Variants in CSNK2A2IP observed in about 807,000 individuals in gnomAD.
CSNK2A2IP encodes the protein casein kinase II subunit alpha'-interacting protein.
the CSNK2A2IP span, among the ~76,000 whole-genome samples, chr3:88,367,157 AAACTT>A: frequency 6.6e-6 from 1 of 152,102 alleles, no homozygotes; most frequent in Non-Finnish European, 1.5e-5. Flanking sequence ...TTATTTTCAG[AAACTT>A]AACTTGTGCT....
chr3:88,382,276 T>C, the CSNK2A2IP span, among the ~76,000 whole-genome samples: 2 of 152,178 alleles, frequency 1.3e-5, no homozygotes, highest in African/African-American at 2.4e-5. Flanking sequence ...AGTCAGGACA[T>C]CAGTATTGAG....
At chr3:88,350,559 G>A in the CSNK2A2IP span, among the ~76,000 whole-genome samples, 25 of 148,818 alleles carry the variant, frequency 1.7e-4, no homozygotes, top group East Asian at 2.9e-3. Context: ...CTGTGCAATT[G>A]TTGGTCTTAA....
chr3:88,383,174 G>T, the CSNK2A2IP span, among the ~76,000 whole-genome samples: 1 of 151,828 alleles, frequency 6.6e-6, no homozygotes, highest in African/African-American at 2.4e-5. Flanking sequence ...GGCTCCCAAA[G>T]GCCTTTTCTG....
At chr3:88,466,178 T>C in the CSNK2A2IP span, 1 of 1,231,638 alleles carries the variant, frequency 8.1e-7, no homozygotes, top group Non-Finnish European at 1.0e-6. Context: ...TCTCCATTAC[T>C]TGACTCTAGG....
At chr3:88,411,766 TG>T in the CSNK2A2IP span, among the ~76,000 whole-genome samples, 1 of 151,640 alleles carries the variant, frequency 6.6e-6, no homozygotes, top group Non-Finnish European at 1.5e-5. Context: ...TGAGATGTTT[TG>T]TGAGAAATAC....
chr3:88,457,741 A>AAAATC, the CSNK2A2IP span, among the ~76,000 whole-genome samples: 19 of 149,706 alleles, frequency 1.3e-4, no homozygotes, highest in East Asian at 5.9e-4. Context: ...AAAATAAAAT[A>AAAATC]AAATAAAATA....
chr3:88,386,773 G>A, the CSNK2A2IP span, among the ~76,000 whole-genome samples: 1 of 152,180 alleles, frequency 6.6e-6, no homozygotes, highest in African/African-American at 2.4e-5. Flanking sequence ...ATAGTTATTG[G>A]TAATGACAAA....
the CSNK2A2IP span, among the ~76,000 whole-genome samples, chr3:88,412,188 A>G: frequency 6.6e-6 from 1 of 151,968 alleles, no homozygotes; most frequent in Non-Finnish European, 1.5e-5. Context: ...AATATAATAT[A>G]TTTATAGCTT....
chr3:88,416,854 A>G, the CSNK2A2IP span, among the ~76,000 whole-genome samples: 1 of 152,166 alleles, frequency 6.6e-6, no homozygotes, highest in South Asian at 2.1e-4. Context: ...TTCAAATTAG[A>G]TAGTATTTCT....
At chr3:88,370,600 C>CTT in the CSNK2A2IP span, among the ~76,000 whole-genome samples, 1,917 of 114,896 alleles carry the variant, frequency 0.017, 42 homozygotes, top group African/African-American at 0.043. Context: ...TTCTTTCTTT[C>CTT]TCTCTCTCTC....
chr3:88,413,566 G>A, the CSNK2A2IP span, among the ~76,000 whole-genome samples: 1 of 151,826 alleles, frequency 6.6e-6, no homozygotes, highest in South Asian at 2.1e-4. Flanking sequence ...ACTTTTAGAA[G>A]TACATTCACG....
the CSNK2A2IP span, among the ~76,000 whole-genome samples, chr3:88,414,760 T>A: frequency 6.6e-6 from 1 of 151,832 alleles, no homozygotes; most frequent in Non-Finnish European, 1.5e-5. Flanking sequence ...AGATGATGAA[T>A]GCATAGTAGA....
the CSNK2A2IP span, among the ~76,000 whole-genome samples, chr3:88,395,278 C>CT: frequency 3.9e-5 from 6 of 152,032 alleles, no homozygotes; most frequent in Non-Finnish European, 7.4e-5. Context: ...AAAATTTCTC[C>CT]TTTTTTTCTA....
the CSNK2A2IP span, among the ~76,000 whole-genome samples, chr3:88,449,266 C>A: frequency 6.6e-6 from 1 of 152,096 alleles, no homozygotes; most frequent in African/African-American, 2.4e-5. Flanking sequence ...GTAACAAGAT[C>A]ATTTTCTTGA....
chr3:88,435,128 C>A, the CSNK2A2IP span, among the ~76,000 whole-genome samples: 24 of 152,240 alleles, frequency 1.6e-4, no homozygotes, highest in Non-Finnish European at 2.6e-4. Flanking sequence ...CTGCAAATAC[C>A]ATTCCATCCC....
the CSNK2A2IP span, among the ~76,000 whole-genome samples, chr3:88,457,706 A>AAAATAAAATAAAATAAAAT: frequency 2.7e-4 from 25 of 93,990 alleles, no homozygotes; most frequent in African/African-American, 7.9e-4. Context: ...AAAATAAAAT[A>AAAATAAAATAAAATAAAAT]AAATAAAATA....
At chr3:88,340,845 C>T in the CSNK2A2IP span, among the ~76,000 whole-genome samples, 1 of 151,928 alleles carries the variant, frequency 6.6e-6, no homozygotes, top group Non-Finnish European at 1.5e-5. Context: ...TTATATGAGC[C>T]TTTGTCTTAC....
chr3:88,458,141 G>GTTTTTTTTTGTGTTTTTTTTTTT, the CSNK2A2IP span, among the ~76,000 whole-genome samples: 1 of 83,302 alleles, frequency 1.2e-5, no homozygotes, highest in African/African-American at 5.4e-5. Flanking sequence ...TGTAATTGTG[G>GTTTTTTTTTGTGTTTTTTTTTTT]TTTTTTTTTT....
the CSNK2A2IP span, chr3:88,467,336 C>A: frequency 2.5e-6 from 1 of 398,902 alleles, no homozygotes. Flanking sequence ...GAGTTTATGA[C>A]CCTCACTCTC....
Sources: allele counts gnomAD v4.1 joint callset (sites outside exome capture counted in the v4.1 genomes callset), GRCh38; gene constraint gnomAD v4.1.1; transcripts MANE v1.5; gene names NCBI Gene and HGNC (gene_info 2026-07-23, HGNC 2026-07-21).